CYP2C19: variants seen among roughly 807,000 people sequenced by gnomAD.
CYP2C19 encodes cytochrome P450 2C19.
In CYP2C19, 59 loss-of-function variants were observed where a neutral mutation model predicts 40.9. The ratio of observed to expected loss-of-function variants is 1.44; its 90% CI spans 1.17 to 1.79. The LOEUF (loss-of-function observed/expected upper bound fraction) is 1.79, where lower values mean the gene tolerates loss of function less well. CYP2C19 is among the 40% of genes most tolerant of loss of function. The probability of loss-of-function intolerance (pLI) is 0.00; values close to 1 mark genes in which losing one functional copy is unlikely to be tolerated. For missense variants in CYP2C19, 754 were observed against 596.9 expected (o/e 1.26, Z -2.74); for synonymous variants, 253 against 208.7 (o/e 1.21, Z -1.83).
rs544132733 is a variant in CYP2C19, at chr10:94,838,471, T to A, written c.962-4366T>A. On this transcript the variant is annotated intron_variant, in intron 6 of 8. Transcript: ENST00000371321. ...CAATATAGCCATCAGGGTTATCTGA[T>A]CTAAAATACCTAGGTCTATTTTAAT... Among the ~76,000 whole-genome samples the A allele has an allele frequency of 1.4e-4, 22 of 152,290 alleles. No individual in the cohort carries two copies. The East Asian group carries it at 3.9e-3, about 27-fold the overall frequency.
At chr10:94,827,494 G>T (rs919512531) in intron 6 of CYP2C19, among the ~76,000 whole-genome samples, 1 of 151,936 alleles carries the variant, frequency 6.6e-6, no homozygotes, top group South Asian at 2.1e-4. Flanking sequence ...TATTTCTGTG[G>T]GATCGGTGGT....
chr10:94,805,662 T>G (rs761647804), intron 5 of CYP2C19, among the ~76,000 whole-genome samples: 2 of 152,146 alleles, frequency 1.3e-5, no homozygotes, highest in African/African-American at 4.8e-5. Context: ...GGTGGGCAGA[T>G]TTCATGAGCT....
At chr10:94,778,314 G>A (rs1848437555) in intron 3 of CYP2C19, among the ~76,000 whole-genome samples, 1 of 152,054 alleles carries the variant, frequency 6.6e-6, no homozygotes, top group African/African-American at 2.4e-5. Context: ...CTCCCTCACG[G>A]TCAGAGAACA....
chr10:94,772,721 A>T (rs530695242), intron 1 of CYP2C19, among the ~76,000 whole-genome samples: 1 of 152,206 alleles, frequency 6.6e-6, no homozygotes, highest in Non-Finnish European at 1.5e-5. Context: ...GGGGATTGTT[A>T]GAGAGCCCTT....
chr10:94,811,386 A>G (rs185169555), intron 5 of CYP2C19, among the ~76,000 whole-genome samples: 34 of 152,154 alleles, frequency 2.2e-4, no homozygotes, highest in Middle Eastern at 3.4e-3. Flanking sequence ...TTCTTTAGAT[A>G]TCTATTATGC....
At chr10:94,786,661 A>T (rs1253128959) in intron 5 of CYP2C19, among the ~76,000 whole-genome samples, 1 of 152,116 alleles carries the variant, frequency 6.6e-6, no homozygotes, top group Non-Finnish European at 1.5e-5. Context: ...AGTACCCAAT[A>T]GGTAGTTTTT....
intron 5 of CYP2C19, among the ~76,000 whole-genome samples, chr10:94,783,623 G>A (rs886455082): frequency 6.6e-6 from 1 of 151,676 alleles, no homozygotes; most frequent in Admixed American, 6.6e-5. Flanking sequence ...TTTTTTGGGG[G>A]GCTCTCAATT....
At chr10:94,818,245 C>T (rs1849044203) in intron 5 of CYP2C19, among the ~76,000 whole-genome samples, 1 of 146,100 alleles carries the variant, frequency 6.8e-6, no homozygotes, top group South Asian at 2.3e-4. Context: ...TTCCATTGAT[C>T]TATATCTCTG....
At chr10:94,767,336 C>T (rs989688962) in intron 1 of CYP2C19, among the ~76,000 whole-genome samples, 1 of 152,156 alleles carries the variant, frequency 6.6e-6, no homozygotes, top group African/African-American at 2.4e-5. Flanking sequence ...GTTATTATGG[C>T]TTTAAAAGCC....
chr10:94,823,262 A>G (rs1157056775), intron 6 of CYP2C19, among the ~76,000 whole-genome samples: 1 of 152,164 alleles, frequency 6.6e-6, no homozygotes, highest in African/African-American at 2.4e-5. Flanking sequence ...AACTCTTTTC[A>G]TCAAGTAACT....
intron 5 of CYP2C19, among the ~76,000 whole-genome samples, chr10:94,810,616 A>G (rs1348526098): frequency 6.6e-6 from 1 of 151,848 alleles, no homozygotes; most frequent in Non-Finnish European, 1.5e-5. Flanking sequence ...TGGTCTTGGG[A>G]GGGTGTATGT....
intron 6 of CYP2C19, 132 bp downstream of exon 6, chr10:94,820,769 C>G: frequency 8.8e-7 from 1 of 1,136,452 alleles, no homozygotes. Context: ...GTAATCTGTC[C>G]CAATTTAATG....
At chr10:94,850,625 T>G (rs1006654349) in intron 8 of CYP2C19, among the ~76,000 whole-genome samples, 26 of 152,142 alleles carry the variant, frequency 1.7e-4, no homozygotes, top group African/African-American at 6.0e-4. Context: ...CTGCTTCTTG[T>G]TATCTTATAA....
intron 6 of CYP2C19, among the ~76,000 whole-genome samples, chr10:94,821,082 C>G (rs1849113744): frequency 6.7e-6 from 1 of 149,548 alleles, no homozygotes; most frequent in Admixed American, 6.7e-5. Context: ...GACCCTGTCT[C>G]AGAAAAGAAA....
At chr10:94,800,402 C>A (rs1848746945) in intron 5 of CYP2C19, among the ~76,000 whole-genome samples, 1 of 152,204 alleles carries the variant, frequency 6.6e-6, no homozygotes, top group Non-Finnish European at 1.5e-5. Flanking sequence ...AAGCTTCATC[C>A]CAGAGGGACA....
chr10:94,804,265 T>C (rs1472627267), intron 5 of CYP2C19, among the ~76,000 whole-genome samples: 1 of 152,146 alleles, frequency 6.6e-6, no homozygotes, highest in Non-Finnish European at 1.5e-5. Context: ...AGAACTGCTG[T>C]AGCAGCTCTC....
At chr10:94,790,066 T>C (rs1446512997) in intron 5 of CYP2C19, among the ~76,000 whole-genome samples, 3 of 152,154 alleles carry the variant, frequency 2.0e-5, no homozygotes, top group Non-Finnish European at 2.9e-5. Context: ...TCACATCCTT[T>C]GTAATTTGGA....
intron 1 of CYP2C19, among the ~76,000 whole-genome samples, chr10:94,763,748 A>G (rs188940499): frequency 6.6e-6 from 1 of 151,864 alleles, no homozygotes; most frequent in Non-Finnish European, 1.5e-5. Flanking sequence ...GCAGTGTTTG[A>G]AGGCCCCGTG....
At chr10:94,812,670 T>C (rs982673472) in intron 5 of CYP2C19, among the ~76,000 whole-genome samples, 34 of 152,170 alleles carry the variant, frequency 2.2e-4, no homozygotes, top group Non-Finnish European at 4.4e-4. Flanking sequence ...TCAATTTGGC[T>C]ATTGATATTT....
Sources: gnomAD v4.1 joint callset for allele counts (sites outside exome capture counted in the v4.1 genomes callset) on GRCh38, gnomAD v4.1.1 for gene constraint, MANE v1.5 for transcripts, NCBI Gene and HGNC (gene_info 2026-07-23, HGNC 2026-07-21) for gene names.